Variants in NFIL3 observed in about 807,000 individuals in gnomAD.
NFIL3 encodes nuclear factor interleukin-3-regulated protein.
NFIL3 carries 5 observed loss-of-function variants against 10.0 expected under a neutral mutation model. That is an observed-to-expected ratio of 0.50 (90% confidence interval 0.26 to 1.06). The LOEUF is 1.06. Among genes scored for constraint, NFIL3 ranks in the 50% least tolerant of loss-of-function variants. NFIL3 has a pLI of 0.13. For synonymous variants in NFIL3, 202 were observed against 206.5 expected (o/e 0.98, Z 0.19); for missense variants, 436 against 547.6 (o/e 0.80, Z 2.03).
the NFIL3 span, among the ~76,000 whole-genome samples, chr9:91,482,935 G>A: frequency 6.6e-6 from 1 of 152,230 alleles, no homozygotes; most frequent in African/African-American, 2.4e-5. Context: ...GTCAGCAGCA[G>A]AGTATGGGTC....
At chr9:91,472,108 C>A in the NFIL3 span, among the ~76,000 whole-genome samples, 14 of 152,296 alleles carry the variant, frequency 9.2e-5, no homozygotes, top group East Asian at 9.6e-4. Flanking sequence ...TGTGGGTAAC[C>A]CAACCTTTCT....
chr9:91,424,724 T>C (rs115684201), upstream of NFIL3, among the ~76,000 whole-genome samples: 148 of 152,302 alleles, frequency 9.7e-4, no homozygotes, highest in African/African-American at 3.4e-3. Flanking sequence ...GGGTGCGGCG[T>C]TCCTCGGAGG....
the NFIL3 span, among the ~76,000 whole-genome samples, chr9:91,430,242 T>C: frequency 1.3e-5 from 2 of 152,194 alleles, no homozygotes; most frequent in East Asian, 1.9e-4. Flanking sequence ...AGTGAGCATG[T>C]ACATCTACAA....
At chr9:91,416,089 T>C (rs2482356) in intron 1 of NFIL3, among the ~76,000 whole-genome samples, 78,387 of 151,880 alleles carry the variant, frequency 0.52, 21,651 homozygotes, top group African/African-American at 0.73. Context: ...ACCTCCTGGC[T>C]ATTCTAATTA....
At chr9:91,444,622 C>T in the NFIL3 span, among the ~76,000 whole-genome samples, 1 of 152,094 alleles carries the variant, frequency 6.6e-6, no homozygotes, top group East Asian at 1.9e-4. Context: ...TTGAGGGAGA[C>T]AATTGGGCAG....
intron 1 of NFIL3, among the ~76,000 whole-genome samples, chr9:91,418,284 T>C (rs1455755594): frequency 2.0e-5 from 3 of 152,186 alleles, no homozygotes; most frequent in African/African-American, 4.8e-5. Context: ...GTGGGGACTA[T>C]TAATATCTTG....
At chr9:91,474,596 A>G in the NFIL3 span, among the ~76,000 whole-genome samples, 1 of 152,178 alleles carries the variant, frequency 6.6e-6, no homozygotes, top group Non-Finnish European at 1.5e-5. Context: ...TTGTGAGGGC[A>G]GGAGTGATGG....
Position 91,409,406 on chromosome 9 carries a change from C to T in NFIL3, c.1329G>A (p.Glu443=). ...CTATAAGTCTCTTGAGTGAGACAAC[C>T]TCTGCAGATAAGTTTGCTATCCCCT... The part of the protein sequence containing the change: ...LKQGIANLSA[E]VVSLKRLIAT... Residue 443 remains glutamate (E), a synonymous_variant, in exon 2 of 2, where the codon GAG becomes GAA. Coordinates refer to ENST00000297689, the MANE Select transcript of NFIL3 (RefSeq NM_005384.3). The T allele has an allele frequency of 6.2e-7, 1 of 1,611,864 alleles. No individual in the cohort carries two copies. The highest frequency in any genetic ancestry group is 8.5e-7 in the Non-Finnish European group (1 of 1,178,992).
the NFIL3 span, among the ~76,000 whole-genome samples, chr9:91,463,634 G>A: frequency 6.6e-6 from 1 of 151,452 alleles, no homozygotes; most frequent in African/African-American, 2.4e-5. Flanking sequence ...TGTGCATTCT[G>A]CTGCTGTTGG....
At chr9:91,422,613 A>T (rs1176647439) in intron 1 of NFIL3, among the ~76,000 whole-genome samples, 2 of 152,226 alleles carry the variant, frequency 1.3e-5, no homozygotes, top group East Asian at 3.8e-4. Flanking sequence ...CAACATTTCC[A>T]GGAAACTATT....
chr9:91,467,430 T>A, the NFIL3 span, among the ~76,000 whole-genome samples: 2 of 152,188 alleles, frequency 1.3e-5, no homozygotes, highest in African/African-American at 4.8e-5. Context: ...TCATTGTTGG[T>A]ATATAAGAAA....
chr9:91,436,995 T>TA, the NFIL3 span, among the ~76,000 whole-genome samples: 10 of 152,226 alleles, frequency 6.6e-5, no homozygotes, highest in Non-Finnish European at 1.5e-4. Context: ...CATCAGGAGT[T>TA]ACATTCTCAT....
chr9:91,441,163 T>C, the NFIL3 span, among the ~76,000 whole-genome samples: 1 of 152,184 alleles, frequency 6.6e-6, no homozygotes, highest in Non-Finnish European at 1.5e-5. Flanking sequence ...CATTAATATT[T>C]GCTTTATGTG....
At chr9:91,419,055 GA>G (rs1264724746) in intron 1 of NFIL3, among the ~76,000 whole-genome samples, 4 of 151,880 alleles carry the variant, frequency 2.6e-5, no homozygotes, top group African/African-American at 9.7e-5. Flanking sequence ...AAAATAACAG[GA>G]TATCAAACAA....
chr9:91,447,672 T>C, the NFIL3 span, among the ~76,000 whole-genome samples: 2 of 152,244 alleles, frequency 1.3e-5, no homozygotes, highest in Admixed American at 6.5e-5. Flanking sequence ...TAACTACTTT[T>C]TAGTTGTGTT....
At chr9:91,472,726 C>T in the NFIL3 span, among the ~76,000 whole-genome samples, 9 of 152,288 alleles carry the variant, frequency 5.9e-5, no homozygotes, top group South Asian at 1.0e-3. Context: ...AGTCATTCTC[C>T]GTCCAGCTTT....
the NFIL3 span, among the ~76,000 whole-genome samples, chr9:91,439,513 C>T: frequency 5.3e-5 from 8 of 151,812 alleles, no homozygotes; most frequent in African/African-American, 7.3e-5. Context: ...TTTGTGTGTG[C>T]GTGTTTGATT....
At chr9:91,479,316 G>T in the NFIL3 span, among the ~76,000 whole-genome samples, 1 of 152,200 alleles carries the variant, frequency 6.6e-6, no homozygotes, top group Admixed American at 6.5e-5. Context: ...GATTGGGGCT[G>T]CTGCCTTTCT....
the NFIL3 span, among the ~76,000 whole-genome samples, chr9:91,451,624 TG>T: frequency 6.6e-6 from 1 of 152,220 alleles, no homozygotes; most frequent in Non-Finnish European, 1.5e-5. Context: ...AGAGCACACC[TG>T]AGAGATAATG....
Sources: gnomAD v4.1 joint callset for allele counts (sites outside exome capture counted in the v4.1 genomes callset) on GRCh38, gnomAD v4.1.1 for gene constraint, MANE v1.5 for transcripts, NCBI Gene and HGNC (gene_info 2026-07-23, HGNC 2026-07-21) for gene names.